TTN: variants seen among roughly 807,000 people sequenced by gnomAD.
The protein encoded by TTN is connectin.
A neutral mutation model predicts 3,223.0 loss-of-function variants in TTN; 1,525 were observed. The ratio of observed to expected loss-of-function variants is 0.47; its 90% CI spans 0.45 to 0.49. TTN has a LOEUF of 0.49. Among genes scored for constraint, TTN ranks in the 20% least tolerant of loss-of-function variants. The pLI, the probability that TTN is intolerant of heterozygous loss-of-function variation, is 0.00. For missense variants in TTN, 40,786 were observed against 43,424.0 expected, an observed-to-expected ratio of 0.94 and a Z score of 5.40; for synonymous variants, 14,094 against 15,161.0, an observed-to-expected ratio of 0.93 and a Z score of 5.17.
chr2:178,554,873 T>C lies in TTN; in HGVS notation c.88586A>G (p.Gln29529Arg). ...CTGTATTCAGCACCTACCAAGGATCTGTACTCTGATGGTGGCTGAGGCTGA... is the reference window on the plus strand; with the variant it reads ...CTGTATTCAGCACCTACCAAGGATCCGTACTCTGATGGTGGCTGAGGCTGA... ...MGSASATIRVQILDKPGPPGG... is the reference protein window; with the variant it reads ...MGSASATIRVRILDKPGPPGG... The change falls in exon 331 of 363, where the codon CAG becomes CGG. Residue 29529 changes from glutamine (Q) to arginine (R), a missense_variant. Gln to Arg is a conservative substitution (Grantham distance 43, BLOSUM62 1). Coordinates refer to ENST00000589042, the MANE Select transcript of TTN (RefSeq NM_001267550.2). 6.2e-7 allele frequency: 1 copy of C among 1,613,936 alleles called. No individual in the cohort carries two copies. Among genetic ancestry groups the C allele is most frequent in the Non-Finnish European group, 8.5e-7 (1 of 1,179,848 alleles).
intron 279 of TTN, 56 bp downstream of exon 279, chr2:178,605,358 G>A (rs2054533116): frequency 2.0e-6 from 3 of 1,533,924 alleles, no homozygotes; most frequent in South Asian, 1.3e-5. Context: ...TCAACTTATG[G>A]GATAAAGGCA....
intron 216 of TTN, 97 bp downstream of exon 216, chr2:178,646,388 G>T: frequency 1.3e-6 from 1 of 752,780 alleles, no homozygotes; most frequent in Non-Finnish European, 2.1e-6. Flanking sequence ...ACATACAAAT[G>T]GGAACAGACA....
intron 117 of TTN, 67 bp from the exon 118 acceptor site, chr2:178,694,075 G>A: frequency 8.2e-7 from 1 of 1,212,748 alleles, no homozygotes; most frequent in Non-Finnish European, 1.2e-6. Context: ...CAAACACATG[G>A]ATTTTATACT....
intron 211 of TTN, 42 bp downstream of exon 211, chr2:178,649,775 G>A (rs375620737): frequency 1.0e-4 from 163 of 1,593,136 alleles, no homozygotes; most frequent in Non-Finnish European, 1.3e-4. Flanking sequence ...GTGTAAAATT[G>A]TAGACACCAC....
chr2:178,748,350 T>G, intron 47 of TTN: 5 of 1,613,164 alleles, frequency 3.1e-6, no homozygotes, highest in Non-Finnish European at 4.2e-6. Flanking sequence ...ATAGTTCTAT[T>G]TGAAAGCTCT....
rs72647846 is a variant in TTN, at chr2:178,795,164, C to A, written c.1003G>T (p.Val335Leu). The A allele has an allele frequency of 6.2e-7, 1 of 1,614,004 alleles. No individual in the cohort carries two copies. The highest frequency in any genetic ancestry group is 8.5e-7 in the Non-Finnish European group (1 of 1,180,018). Residue 335 changes from valine to leucine, a missense_variant, in exon 7 of 363, where the codon GTG (valine) becomes TTG (leucine). Val to Leu is a conservative substitution (Grantham distance 32). Transcript: ENST00000589042. ...GGAGGCACTTCAGGACCTGTGGCCACGGTGGATGCCTGAGTCTTACGCATG... is the reference window on the plus strand; with the variant it reads ...GGAGGCACTTCAGGACCTGTGGCCAAGGTGGATGCCTGAGTCTTACGCATG... Reference protein sequence around the residue: ...LLMRKTQASTVATGPEVPPPW... With the variant: ...LLMRKTQASTLATGPEVPPPW...
At chr2:178,803,349 C>T (rs1398712926) in intron 2 of TTN, among the ~76,000 whole-genome samples, 1 of 152,048 alleles carries the variant, frequency 6.6e-6, no homozygotes, top group Non-Finnish European at 1.5e-5. Flanking sequence ...CTCAAGGAGG[C>T]AAATTCCCAC....
chr2:178,618,110 T>C (rs1026162513), intron 252 of TTN, 29 bp from the exon 253 acceptor site: 4 of 1,611,046 alleles, frequency 2.5e-6, no homozygotes, highest in East Asian at 2.2e-5. Flanking sequence ...GAAGAAAATA[T>C]GAGTTTGGGG....
chr2:178,683,343 T>A, intron 133 of TTN, 52 bp from the exon 134 acceptor site: 1 of 1,180,260 alleles, frequency 8.5e-7, no homozygotes, highest in Non-Finnish European at 1.2e-6. Context: ...AAAATGTGTG[T>A]GTGAAGAGAA....
chr2:178,688,771 G>T lies in TTN; in HGVS notation c.32103C>A (p.Val10701=). Residue 10701 remains valine, a synonymous_variant, in exon 126 of 363, where the codon GTC becomes GTA. Coordinates refer to ENST00000589042, the MANE Select transcript of TTN (RefSeq NM_001267550.2). ...TTTCTTCTACAACAGTTTTCTTAGA[G>T]ACTTCAGCTTTAAGAAAGTGTTAAA... ...AKKAPPPRAE[V]SKKTVVEEKR... 1 of 1,606,430 alleles carries T rather than the reference G, an allele frequency of 6.2e-7. No individual in the cohort carries two copies. The highest frequency in any genetic ancestry group is 8.5e-7 in the Non-Finnish European group (1 of 1,173,432).
At position 178,654,869 on chromosome 2, in the gene TTN, GACAA is replaced by G. The variant is rs748393602; in HGVS notation, c.38122+39_38122+42del. On this transcript the variant is annotated intron_variant, in intron 190 of 362. Transcript: ENST00000589042. ...TATTTTCATTATTAGACAAAGTAAA[GACAA>G]ACAAACAATATCAAACACAGCAACA... 6.9e-5 allele frequency: 36 copies of G among 521,536 alleles called. 2 individuals are homozygous for G. The highest frequency in any genetic ancestry group is 9.4e-4 in the Middle Eastern group (2 of 2,134). 32.3% of individuals were successfully genotyped at this position (521,536 alleles called of 1,614,324 possible).
Position 178,769,726 on chromosome 2 carries a change from G to A in TTN, c.8855C>T (p.Thr2952Ile), listed in dbSNP as rs1236189232. The A allele has an allele frequency of 5.6e-6, 9 of 1,613,662 alleles. No homozygotes were observed. The East Asian group carries it at 1.6e-4, about 28-fold the overall frequency. Residue 2952 changes from threonine to isoleucine, a missense_variant, in exon 37 of 363, where the codon ACA (threonine) becomes ATA (isoleucine). By Grantham distance (89) the Thr-to-Ile change is moderately conservative. Transcript: ENST00000589042. ...GACTTGGTCATTGCCACAGACAAAT[G>A]TGTATTCTGCCGAGTCCTCTGTGCT... is the stretch of plus-strand genomic sequence containing the variant. ...NTSTEDSAEY[T>I]FVCGNDQVSA...
chr2:178,663,909 A>C lies in TTN; in HGVS notation c.36365-7T>G, dbSNP rs746341489. The C allele has an allele frequency of 1.2e-6, 2 of 1,613,372 alleles. No individual in the cohort carries two copies. The highest frequency in any genetic ancestry group is 1.7e-4 in the Middle Eastern group (1 of 6,038). ...TCTTTGGAAGCTTCTGGCACTTGAA[A>C]GATATTAGTGAAATTACATTTAGGT... On this transcript the variant is annotated splice_polypyrimidine_tract_variant and splice_region_variant and intron_variant, in intron 169 of 362. Coordinates refer to ENST00000589042, the MANE Select transcript of TTN (RefSeq NM_001267550.2).
At chr2:178,535,937 A>G in intron 357 of TTN, 45 bp downstream of exon 357, 1 of 1,518,180 alleles carries the variant, frequency 6.6e-7, no homozygotes, top group Non-Finnish European at 8.8e-7. Flanking sequence ...CCCCAAGTTA[A>G]TAACTCATTT....
rs745874179 is a variant in TTN, at chr2:178,712,839, A to G, written c.27186T>C (p.Gly9062=). ...CCTCCAAAGACACGTTGCATCTGTC[A>G]CCTGGTACTAGTTCACTGCTACCTT... ...WFKGSSELVP[G]DRCNVSLEDS... Residue 9062 remains glycine, a synonymous_variant, in exon 94 of 363, where the codon GGT becomes GGC. Transcript: ENST00000589042. The G allele has an allele frequency of 6.2e-7, 1 of 1,613,714 alleles. No individual in the cohort carries two copies. The highest frequency in any genetic ancestry group is 8.5e-7 in the Non-Finnish European group (1 of 1,179,802).
chr2:178,618,410 G>A lies in TTN; in HGVS notation c.47048C>T (p.Thr15683Ile), dbSNP rs2057733530. ...EVSLAWEEPL[T>I]DGGSKIIGYV... ...ACCTATGATTTTGCTTCCACCATCA[G>A]TTAAAGGTTCTTCCCAAGCAAGGCT... The change falls in exon 252 of 363, where the codon ACT becomes ATT. Residue 15683 changes from threonine (T) to isoleucine (I), a missense_variant. Thr to Ile is a moderately conservative substitution (Grantham distance 89). Coordinates refer to ENST00000589042, the MANE Select transcript of TTN (RefSeq NM_001267550.2). 1 of 1,612,480 alleles carries A rather than the reference G, an allele frequency of 6.2e-7. No homozygotes were observed. Among genetic ancestry groups the A allele is most frequent in the East Asian group, 2.2e-5 (1 of 44,606 alleles).
chr2:178,550,806 T>A, intron 336 of TTN, 161 bp downstream of exon 336: 1 of 655,886 alleles, frequency 1.5e-6, no homozygotes, highest in South Asian at 2.1e-5. Flanking sequence ...TGCCAATTAT[T>A]TTTTTCTTCT....
At chr2:178,640,184 A>C in intron 221 of TTN, 74 bp from the exon 222 acceptor site, 1 of 1,335,342 alleles carries the variant, frequency 7.5e-7, no homozygotes. Context: ...AACTAAAATT[A>C]AGCCCACGTA....
chr2:178,564,429 G>C lies in TTN; in HGVS notation c.81703C>G (p.Leu27235Val). ...AATTCATATCTTTGGTCTTCTACAA[G>C]TCCACTCACTGTAAATTCAGTTTCT... The part of the protein sequence containing the change: ...VLETEFTVSG[L>V]VEDQRYEFRV... Residue 27235 changes from leucine (L) to valine (V), a missense_variant, in exon 326 of 363, where the codon CTT becomes GTT. Transcript: ENST00000589042. 6.2e-7 allele frequency: 1 copy of C among 1,612,968 alleles called. No individual in the cohort carries two copies. The highest frequency in any genetic ancestry group is 8.5e-7 in the Non-Finnish European group (1 of 1,179,446).
Sources: allele counts gnomAD v4.1 joint callset (sites outside exome capture counted in the v4.1 genomes callset), GRCh38; gene constraint gnomAD v4.1.1; transcripts MANE v1.5; gene names NCBI Gene and HGNC (gene_info 2026-07-23, HGNC 2026-07-21).